Variants in EEFSEC observed in about 807,000 individuals in gnomAD.
The protein encoded by EEFSEC is selenocysteine-specific elongation factor.
In EEFSEC, 43 loss-of-function variants were observed where a neutral mutation model predicts 42.1. That is an observed-to-expected ratio of 1.02 (90% CI 0.80 to 1.32). The LOEUF (loss-of-function observed/expected upper bound fraction) is 1.32. Ranked by LOEUF, EEFSEC falls within the 40% of genes most tolerant of loss-of-function variation. The probability of loss-of-function intolerance (pLI) is 0.00; values close to 1 mark genes in which losing one functional copy is unlikely to be tolerated. For missense variants in EEFSEC, 745 were observed against 803.6 expected (o/e 0.93, Z 0.88); for synonymous variants, 354 against 339.1 (o/e 1.04, Z -0.48).
downstream of EEFSEC, among the ~76,000 whole-genome samples, chr3:128,410,577 C>T (rs879734333): frequency 2.0e-5 from 3 of 152,182 alleles, no homozygotes; most frequent in Admixed American, 6.5e-5. Flanking sequence ...TCCCTGCCTG[C>T]GGTGTGAGCT....
chr3:128,293,785 A>G (rs1396643948), intron 4 of EEFSEC, among the ~76,000 whole-genome samples: 1 of 152,070 alleles, frequency 6.6e-6, no homozygotes, highest in Non-Finnish European at 1.5e-5. Context: ...ACCTTGGGTG[A>G]ATGACTTCAC....
the EEFSEC span, among the ~76,000 whole-genome samples, chr3:128,414,110 C>A: frequency 6.6e-6 from 1 of 152,244 alleles, no homozygotes; most frequent in African/African-American, 2.4e-5. Flanking sequence ...CTCCCGCCAA[C>A]GTCTAGTTCA....
chr3:128,306,795 T>G (rs751452616), intron 4 of EEFSEC, among the ~76,000 whole-genome samples: 1 of 152,260 alleles, frequency 6.6e-6, no homozygotes, highest in Non-Finnish European at 1.5e-5. Flanking sequence ...ATGAGAAAAC[T>G]GACTTAGGAA....
intron 1 of EEFSEC, among the ~76,000 whole-genome samples, chr3:128,212,983 G>T (rs151172968): frequency 1.3e-5 from 2 of 152,346 alleles, no homozygotes; most frequent in East Asian, 1.9e-4. Context: ...CATCTGCAGC[G>T]CCAGCTTCCA....
chr3:128,232,567 G>A (rs9856329), intron 1 of EEFSEC, among the ~76,000 whole-genome samples: 1 of 152,116 alleles, frequency 6.6e-6, no homozygotes, highest in African/African-American at 2.4e-5. Flanking sequence ...TGGTTAAAAT[G>A]GGGGGAAGGG....
At chr3:128,313,997 C>A (rs558352860) in intron 4 of EEFSEC, among the ~76,000 whole-genome samples, 1 of 152,302 alleles carries the variant, frequency 6.6e-6, no homozygotes, top group East Asian at 1.9e-4. Flanking sequence ...GTGTGCTACC[C>A]CTTGCTTTTA....
At chr3:128,395,014 A>G (rs1487073759) in intron 6 of EEFSEC, among the ~76,000 whole-genome samples, 1 of 152,196 alleles carries the variant, frequency 6.6e-6, no homozygotes, top group African/African-American at 2.4e-5. Context: ...GGACTTCTGC[A>G]TGCAGCGTTG....
At chr3:128,221,755 C>G (rs2065862784) in intron 1 of EEFSEC, among the ~76,000 whole-genome samples, 1 of 152,042 alleles carries the variant, frequency 6.6e-6, no homozygotes, top group Non-Finnish European at 1.5e-5. Flanking sequence ...TGGGAAAACT[C>G]AGATCCTGGA....
At chr3:128,227,286 C>T (rs1342047951) in intron 1 of EEFSEC, among the ~76,000 whole-genome samples, 2 of 152,180 alleles carry the variant, frequency 1.3e-5, no homozygotes, top group African/African-American at 4.8e-5. Flanking sequence ...ATTTTACTTA[C>T]TTTTTGTGAC....
chr3:128,342,903 G>T (rs1181281680), intron 5 of EEFSEC, among the ~76,000 whole-genome samples: 1 of 152,266 alleles, frequency 6.6e-6, no homozygotes, highest in African/African-American at 2.4e-5. Context: ...CTTGAAGGCA[G>T]GATGGATGGA....
intron 5 of EEFSEC, among the ~76,000 whole-genome samples, chr3:128,342,212 C>T (rs6794266): frequency 0.015 from 2,266 of 152,330 alleles, 58 homozygotes; most frequent in African/African-American, 0.05. Context: ...TCCCCCACAG[C>T]CAGTGTCAGA....
At chr3:128,289,391 A>T (rs2066619858) in intron 4 of EEFSEC, among the ~76,000 whole-genome samples, 1 of 152,232 alleles carries the variant, frequency 6.6e-6, no homozygotes, top group South Asian at 2.1e-4. Context: ...GAGCCATATC[A>T]CAAATTCAGG....
At chr3:128,315,296 T>G (rs2108026974) in intron 4 of EEFSEC, among the ~76,000 whole-genome samples, 1 of 152,304 alleles carries the variant, frequency 6.6e-6, no homozygotes, top group Admixed American at 6.5e-5. Flanking sequence ...GCTCCATGCA[T>G]GTCAGATATC....
intron 4 of EEFSEC, among the ~76,000 whole-genome samples, chr3:128,332,451 T>C (rs755271931): frequency 2.6e-5 from 4 of 152,198 alleles, no homozygotes; most frequent in Non-Finnish European, 5.9e-5. Flanking sequence ...AAGTGCTCCA[T>C]TGAGTATTTT....
intron 6 of EEFSEC, among the ~76,000 whole-genome samples, chr3:128,406,806 C>T (rs1367613248): frequency 1.3e-5 from 2 of 151,702 alleles, no homozygotes; most frequent in African/African-American, 4.8e-5. Flanking sequence ...GAGTGAGACC[C>T]TGTCACACAC....
intron 4 of EEFSEC, among the ~76,000 whole-genome samples, chr3:128,312,199 A>G: frequency 6.6e-6 from 1 of 152,230 alleles, no homozygotes; most frequent in East Asian, 1.9e-4. Context: ...AGCATTTTAC[A>G]TGCCTTTTCT....
At chr3:128,394,486 A>G (rs2067956392) in intron 6 of EEFSEC, among the ~76,000 whole-genome samples, 2 of 151,046 alleles carry the variant, frequency 1.3e-5, no homozygotes, top group East Asian at 1.9e-4. Flanking sequence ...TAATATGTGG[A>G]TTTTTTTTTT....
At chr3:128,159,874 GC>G (rs1053748680) in intron 1 of EEFSEC, among the ~76,000 whole-genome samples, 1 of 152,134 alleles carries the variant, frequency 6.6e-6, no homozygotes, top group African/African-American at 2.4e-5. Context: ...CATTGCCCCA[GC>G]AGCCCTTTTC....
chr3:128,398,859 C>T (rs1559958822), intron 6 of EEFSEC, among the ~76,000 whole-genome samples: 1 of 152,072 alleles, frequency 6.6e-6, no homozygotes, highest in Non-Finnish European at 1.5e-5. Flanking sequence ...TGGGGGATCC[C>T]ATTCCAGAGG....
Sources: gnomAD v4.1 joint callset for allele counts (sites outside exome capture counted in the v4.1 genomes callset) on GRCh38, gnomAD v4.1.1 for gene constraint, MANE v1.5 for transcripts, NCBI Gene and HGNC (gene_info 2026-07-23, HGNC 2026-07-21) for gene names.